ARMC7: variants seen among roughly 807,000 people sequenced by gnomAD.
ARMC7 encodes the protein armadillo repeat containing 7, also known as armadillo repeat-containing protein 7.
ARMC7 carries 9 observed loss-of-function variants against 14.8 expected under a neutral mutation model. The observed-to-expected ratio is 0.61, with a 90% confidence interval of 0.37 to 1.06. ARMC7 has a LOEUF of 1.06. Among genes scored for constraint, ARMC7 ranks in the 50% least tolerant of loss-of-function variants. The probability of loss-of-function intolerance (pLI) is 0.01; values close to 1 mark genes in which losing one functional copy is unlikely to be tolerated. For missense variants in ARMC7, 262 were observed against 267.1 expected, an observed-to-expected ratio of 0.98 and a Z score of 0.13; for synonymous variants, 125 against 123.4, an observed-to-expected ratio of 1.01 and a Z score of -0.09.
rs945231334 is a variant in ARMC7 at position 75,114,378 on chromosome 17, G to A, written c.235+3772G>A. 5.3e-5 allele frequency: 21 copies of A among 397,294 alleles called. No homozygotes were observed. The East Asian group carries it at 6.1e-4, about 11-fold the overall frequency. 24.6% of individuals were successfully genotyped at this position (397,294 alleles called of 1,614,324 possible). On this transcript the variant is annotated intron_variant, in intron 2 of 2. Transcript: ENST00000245543. ...TCAGGAAGCAACTTTCCCAGGACAGGGGCACCCTGAGGTCCGGGTCCACTG... is the reference window on the plus strand; with the variant it reads ...TCAGGAAGCAACTTTCCCAGGACAGAGGCACCCTGAGGTCCGGGTCCACTG...
At chr17:75,111,354 G>A (rs2073921115) in intron 2 of ARMC7, among the ~76,000 whole-genome samples, 1 of 151,530 alleles carries the variant, frequency 6.6e-6, no homozygotes, top group African/African-American at 2.4e-5. Context: ...GCTGAGGCAG[G>A]AGAATCGCTT....
chr17:75,129,270 C>T lies in ARMC7; in HGVS notation c.*232C>T, dbSNP rs963551723. On this transcript the variant is annotated 3_prime_UTR_variant, in exon 3 of 3. Coordinates refer to ENST00000245543, the MANE Select transcript of ARMC7 (RefSeq NM_024585.4). ...CTGGAGCTGCGTTCATAGGCTGGCA[C>T]TCTCAATCCTACATCAGGTGCCACC... 2 of 612,614 alleles carry T rather than the reference C, an allele frequency of 3.3e-6. No homozygotes were observed. Among genetic ancestry groups the T allele is most frequent in the African/African-American group, 1.8e-5 (1 of 54,156 alleles). The allele number at this position is 612,614 out of a possible 1,614,324, so 37.9% of individuals were successfully genotyped here.
At position 75,110,302 on chromosome 17, in the gene ARMC7, C is replaced by T. The variant is rs1375420565; in HGVS notation, c.14C>T (p.Pro5Leu). 6.2e-7 allele frequency: 1 copy of T among 1,612,276 alleles called. No individual in the cohort carries two copies. Among genetic ancestry groups the T allele is most frequent in the African/African-American group, 1.3e-5 (1 of 74,904 alleles). Reference sequence around the variant, plus strand: ...GTCACCGCGGCCATGGCCCAGAAGCCGAAGGTGGACCCCCACGTCGGGCGG... The same window carrying T: ...GTCACCGCGGCCATGGCCCAGAAGCTGAAGGTGGACCCCCACGTCGGGCGG... MAQK[P>L]KVDPHVGRLG... The change falls in exon 1 of 3, where the codon CCG (proline) becomes CTG (leucine). Residue 5 changes from proline to leucine, a missense_variant. Physicochemically the swap from Pro to Leu is moderately conservative, Grantham distance 98 (BLOSUM62 -3). Coordinates refer to ENST00000245543, the MANE Select transcript of ARMC7 (RefSeq NM_024585.4).
Position 75,110,489 on chromosome 17 carries a change from CTCGCCAACT to C in ARMC7, c.123_131del (p.Asn42_Ala44del), listed in dbSNP as rs769199617. ...CGCCAAGGAGCAAGTCCTCGCCAAC[CTCGCCAACT>C]TCGCTTATGACCCCAGCAACTACGA... On this transcript the variant is annotated inframe_deletion, in exon 2 of 3. Transcript: ENST00000245543. The C allele has an allele frequency of 1.2e-6, 2 of 1,614,158 alleles. No individual in the cohort carries two copies. The highest frequency in any genetic ancestry group is 1.1e-5 in the South Asian group (1 of 91,096).
intron 2 of ARMC7, among the ~76,000 whole-genome samples, chr17:75,112,311 G>A (rs1044587109): frequency 6.6e-6 from 1 of 152,246 alleles, no homozygotes. Context: ...AAGCAATGCA[G>A]TGCCCACCTG....
intron 2 of ARMC7, among the ~76,000 whole-genome samples, chr17:75,127,484 A>G (rs1470122451): frequency 6.6e-6 from 1 of 152,124 alleles, no homozygotes; most frequent in Non-Finnish European, 1.5e-5. Context: ...TTTTTAGTAG[A>G]GACGGGGTTT....
Position 75,128,680 on chromosome 17 carries a change from G to A in ARMC7, c.239G>A (p.Gly80Asp), listed in dbSNP as rs2074072215. Reference protein sequence around the residue: ...NETLVEFAIGGLCNLCPDRAN... With the variant: ...NETLVEFAIGDLCNLCPDRAN... ...ACTCTTCCTTGCTCTCCCACAGGAGGCCTGTGCAACCTGTGCCCAGACAGG... is the reference window on the plus strand; with the variant it reads ...ACTCTTCCTTGCTCTCCCACAGGAGACCTGTGCAACCTGTGCCCAGACAGG... Residue 80 changes from glycine (G) to aspartate (D), a missense_variant, in exon 3 of 3, where the codon GGC becomes GAC. Transcript: ENST00000245543. 5 of 1,610,650 alleles carry A rather than the reference G, an allele frequency of 3.1e-6. No homozygotes were observed. Among genetic ancestry groups the A allele is most frequent in the Non-Finnish European group, 4.2e-6 (5 of 1,177,942 alleles).
At chr17:75,126,202 C>T (rs1321080356) in intron 2 of ARMC7, among the ~76,000 whole-genome samples, 1 of 152,142 alleles carries the variant, frequency 6.6e-6, no homozygotes. Flanking sequence ...GCTCAGGATG[C>T]ACAGGAAGTC....
chr17:75,120,350 C>T (rs934420923), intron 2 of ARMC7, among the ~76,000 whole-genome samples: 2 of 152,192 alleles, frequency 1.3e-5, no homozygotes, highest in Non-Finnish European at 2.9e-5. Context: ...ATCTTGCTTT[C>T]ATGTGGGGTT....
chr17:75,121,537 C>T (rs998269633), intron 2 of ARMC7, among the ~76,000 whole-genome samples: 16 of 152,146 alleles, frequency 1.1e-4, no homozygotes, highest in African/African-American at 2.4e-4. Context: ...CCTCAGCCTC[C>T]GGAGTAGCTG....
intron 2 of ARMC7, among the ~76,000 whole-genome samples, chr17:75,115,446 G>A (rs1568015464): frequency 6.6e-6 from 1 of 152,118 alleles, no homozygotes; most frequent in Non-Finnish European, 1.5e-5. Context: ...GGCTGAGGCA[G>A]AAGAGTTGCT....
intron 2 of ARMC7, among the ~76,000 whole-genome samples, chr17:75,121,803 C>A (rs1268827461): frequency 6.6e-6 from 1 of 152,140 alleles, no homozygotes; most frequent in Non-Finnish European, 1.5e-5. Context: ...GTAATGAGCA[C>A]AGTTCCATAT....
chr17:75,113,004 C>T (rs1308589646), intron 2 of ARMC7, among the ~76,000 whole-genome samples: 3 of 131,170 alleles, frequency 2.3e-5, no homozygotes, highest in African/African-American at 1.0e-4. Context: ...TCAAATAACA[C>T]ATTTTTTATT....
intron 2 of ARMC7, 107 bp from the exon 3 acceptor site, chr17:75,128,570 G>A: frequency 6.9e-7 from 1 of 1,458,670 alleles, no homozygotes; most frequent in East Asian, 2.3e-5. Flanking sequence ...GCCTTGTGCT[G>A]GGGCCAGCTT....
In ARMC7 at chr17:75,110,303, G is replaced by A; in HGVS notation, c.15G>A (p.Pro5=). The A allele has an allele frequency of 6.2e-7, 1 of 1,612,480 alleles. No individual in the cohort carries two copies. Among genetic ancestry groups the A allele is most frequent in the Non-Finnish European group, 8.5e-7 (1 of 1,179,954 alleles). Residue 5 remains proline (P), a synonymous_variant, in exon 1 of 3, where the codon CCG becomes CCA. Coordinates refer to ENST00000245543, the MANE Select transcript of ARMC7 (RefSeq NM_024585.4). ...TCACCGCGGCCATGGCCCAGAAGCC[G>A]AAGGTGGACCCCCACGTCGGGCGGC... The part of the protein sequence containing the change: MAQK[P]KVDPHVGRLG...
At chr17:75,115,518 A>G (rs1015628067) in intron 2 of ARMC7, among the ~76,000 whole-genome samples, 4 of 151,886 alleles carry the variant, frequency 2.6e-5, no homozygotes, top group African/African-American at 9.7e-5. Context: ...AGCCTGGGTG[A>G]CAGAGCAAGA....
chr17:75,125,526 T>G (rs1309296733), intron 2 of ARMC7, among the ~76,000 whole-genome samples: 1 of 152,134 alleles, frequency 6.6e-6, no homozygotes, highest in Non-Finnish European at 1.5e-5. Context: ...TTACTCCACA[T>G]GCAGTGGGAT....
intron 2 of ARMC7, among the ~76,000 whole-genome samples, chr17:75,124,712 G>A (rs936302996): frequency 2.0e-5 from 3 of 152,202 alleles, no homozygotes; most frequent in Admixed American, 6.5e-5. Flanking sequence ...TGGGAGGGCC[G>A]CCATTTCCCA....
Position 75,128,978 on chromosome 17 carries a change from G to A in ARMC7, c.537G>A (p.Arg179=). ...SPRQVAEARS[R]QAHSALGIPL... The stretch of plus-strand genomic sequence containing the variant: ...GCCAGGTGGCCGAGGCCCGCAGCCG[G>A]CAGGCGCACTCTGCCCTGGGTATCC... Residue 179 remains arginine, a synonymous_variant, in exon 3 of 3, where the codon CGG becomes CGA. Transcript: ENST00000245543. The A allele has an allele frequency of 6.2e-7, 1 of 1,602,022 alleles. No individual in the cohort carries two copies.
Sources: gnomAD v4.1 joint callset for allele counts (sites outside exome capture counted in the v4.1 genomes callset) on GRCh38, gnomAD v4.1.1 for gene constraint, MANE v1.5 for transcripts, NCBI Gene and HGNC (gene_info 2026-07-23, HGNC 2026-07-21) for gene names.